TBC1D1: variants seen among roughly 807,000 people sequenced by gnomAD.
TBC1D1 encodes TBC1 (tre-2/USP6, BUB2, cdc16) domain family, member 1.
TBC1D1 carries 89 observed loss-of-function variants against 125.6 expected under a neutral mutation model. The ratio of observed to expected loss-of-function variants is 0.71; its 90% confidence interval spans 0.60 to 0.85. The LOEUF is 0.85. Ranked by LOEUF, TBC1D1 falls within the 40% of genes least tolerant of loss-of-function variation. The pLI is 0.00. For missense variants in TBC1D1, 1,377 were observed against 1,469.2 expected (o/e 0.94, Z 1.03); for synonymous variants, 565 against 564.1 (o/e 1.00, Z -0.02).
At chr4:37,949,429 A>G (rs1727379190) in intron 2 of TBC1D1, among the ~76,000 whole-genome samples, 1 of 152,230 alleles carries the variant, frequency 6.6e-6, no homozygotes, top group Non-Finnish European at 1.5e-5. Flanking sequence ...TACCCTTAAT[A>G]TAAATGAGAC....
At chr4:37,937,113 CTG>C (rs1467071191) in intron 2 of TBC1D1, among the ~76,000 whole-genome samples, 2 of 152,212 alleles carry the variant, frequency 1.3e-5, no homozygotes, top group Non-Finnish European at 2.9e-5. Context: ...CTGCCAGACA[CTG>C]CTGTCCCTGG....
chr4:37,950,401 T>C (rs1727583313), intron 2 of TBC1D1, among the ~76,000 whole-genome samples: 1 of 151,868 alleles, frequency 6.6e-6, no homozygotes, highest in South Asian at 2.1e-4. Context: ...GAATGGTTCA[T>C]AAAGTTTTTC....
chr4:38,109,760 T>C (rs1761930666), intron 15 of TBC1D1, among the ~76,000 whole-genome samples: 1 of 152,196 alleles, frequency 6.6e-6, no homozygotes, highest in South Asian at 2.1e-4. Flanking sequence ...CACGTTCTAG[T>C]GGGAAGACTG....
chr4:38,107,601 T>TTTTTTG (rs61499918), intron 15 of TBC1D1, among the ~76,000 whole-genome samples: 13 of 131,926 alleles, frequency 9.9e-5, no homozygotes, highest in East Asian at 6.6e-4. Context: ...TTTTTTTTTT[T>TTTTTTG]GGCAATGTGT....
At chr4:38,115,642 G>C in intron 15 of TBC1D1, 68 bp from the exon 18 acceptor site, 1 of 1,526,212 alleles carries the variant, frequency 6.6e-7, no homozygotes, top group Non-Finnish European at 8.8e-7. Context: ...AAGCACATTG[G>C]ATTTCTGGTT....
At chr4:38,037,308 C>G (rs1286965499) in intron 8 of TBC1D1, among the ~76,000 whole-genome samples, 1 of 151,160 alleles carries the variant, frequency 6.6e-6, no homozygotes, top group East Asian at 2.0e-4. Context: ...CATAAGAGTT[C>G]AATGTAGAAG....
intron 2 of TBC1D1, among the ~76,000 whole-genome samples, chr4:37,905,065 G>T (rs373275775): frequency 6.6e-6 from 1 of 152,212 alleles, no homozygotes; most frequent in Non-Finnish European, 1.5e-5. Flanking sequence ...CAAAACTACA[G>T]TTTGCGAGGA....
chr4:38,014,723 G>GCGCC lies in TBC1D1; in HGVS notation c.633_634insGCCC (p.Pro212AlafsTer37). 6.2e-7 allele frequency: 1 copy of GCGCC among 1,600,198 alleles called. No individual in the cohort carries two copies. Among genetic ancestry groups the GCGCC allele is most frequent in the East Asian group, 2.2e-5 (1 of 44,700 alleles). On this transcript the variant is annotated frameshift_variant, in exon 3 of 20. Transcript: ENST00000261439. LOFTEE classifies it high-confidence loss of function. This position sits in a 1 kb window ranked among gnomAD's most constrained non-coding sequence, Gnocchi z 5.1. ...GTCAGCGGCAGCCGGGGGTCCGAGA[G>GCGCC]CCCCCGCCCCAACCCGCCCCATGCC...
At chr4:37,900,410 T>A (rs1160893660) in intron 1 of TBC1D1, among the ~76,000 whole-genome samples, 1,574 of 45,788 alleles carry the variant, frequency 0.034, 23 homozygotes, top group African/African-American at 0.096. Flanking sequence ...GAAATATCTT[T>A]TTTTTTTTTT....
chr4:38,076,721 TC>T (rs1194904343), intron 12 of TBC1D1, among the ~76,000 whole-genome samples: 1 of 152,102 alleles, frequency 6.6e-6, no homozygotes, highest in Non-Finnish European at 1.5e-5. Context: ...ACTTTTTTTT[TC>T]CTTAGATAAA....
intron 2 of TBC1D1, among the ~76,000 whole-genome samples, chr4:37,972,834 G>A (rs546237945): frequency 5.9e-5 from 9 of 151,278 alleles, no homozygotes; most frequent in East Asian, 5.8e-4. Context: ...CCTGGGAGGC[G>A]GAGGTTGCAG....
chr4:37,901,957 T>C (rs1003946887), intron 1 of TBC1D1, 46 bp from the exon 2 acceptor site: 2 of 820,002 alleles, frequency 2.4e-6, no homozygotes, highest in African/African-American at 3.4e-5. Context: ...AGGTAGCTAT[T>C]GCTATGACTT....
At chr4:37,928,601 T>C (rs945478495) in intron 2 of TBC1D1, among the ~76,000 whole-genome samples, 7 of 152,230 alleles carry the variant, frequency 4.6e-5, no homozygotes, top group Admixed American at 3.9e-4. Flanking sequence ...AGCCAGCCCT[T>C]GCAGTGGGTA....
At chr4:38,052,313 A>T (rs1750744312) in intron 11 of TBC1D1, among the ~76,000 whole-genome samples, 2 of 149,778 alleles carry the variant, frequency 1.3e-5, no homozygotes, top group South Asian at 4.2e-4. Flanking sequence ...TCTTAATGGC[A>T]GATTGGTTTG....
chr4:37,896,011 A>G (rs1714488666), intron 1 of TBC1D1, among the ~76,000 whole-genome samples: 1 of 152,214 alleles, frequency 6.6e-6, no homozygotes, highest in South Asian at 2.1e-4. Flanking sequence ...AGGTTGCAGT[A>G]TAATTCTGTT....
chr4:38,087,845 C>CAAAAAAAAAAAAAAAAAA (rs1215951890), intron 12 of TBC1D1, among the ~76,000 whole-genome samples: 1 of 67,880 alleles, frequency 1.5e-5, no homozygotes, highest in Non-Finnish European at 2.9e-5. Context: ...GATTCCGTCT[C>CAAAAAAAAAAAAAAAAAA]AAAAAAAAAA....
At chr4:38,050,211 G>A (rs987122158) in intron 11 of TBC1D1, among the ~76,000 whole-genome samples, 7 of 152,186 alleles carry the variant, frequency 4.6e-5, no homozygotes, top group Non-Finnish European at 7.3e-5. Flanking sequence ...GAGGGCAAGC[G>A]GATGAGTCTC....
chr4:37,942,725 A>G (rs544640014), intron 2 of TBC1D1, among the ~76,000 whole-genome samples: 1 of 152,174 alleles, frequency 6.6e-6, no homozygotes, highest in Admixed American at 6.5e-5. Flanking sequence ...TATTTTTAGT[A>G]GAGACGGGGT....
chr4:37,895,051 T>G (rs1489430661), intron 1 of TBC1D1, among the ~76,000 whole-genome samples: 1 of 152,234 alleles, frequency 6.6e-6, no homozygotes, highest in Non-Finnish European at 1.5e-5. Context: ...CAGATATTGC[T>G]CTAGCAAAGT....
Sources: allele counts gnomAD v4.1 joint callset (sites outside exome capture counted in the v4.1 genomes callset), GRCh38; gene constraint gnomAD v4.1.1; non-coding constraint Gnocchi (gnomAD v3.1); transcripts MANE v1.5; gene names NCBI Gene and HGNC (gene_info 2026-07-23, HGNC 2026-07-21).